APP: variants seen among roughly 807,000 people sequenced by gnomAD.
APP encodes the protein amyloid beta precursor protein, also known as amyloid-beta precursor protein.
APP carries 31 observed loss-of-function variants against 101.4 expected under a neutral mutation model. That is an observed-to-expected ratio of 0.31 (90% CI 0.23 to 0.41). The LOEUF is 0.41. Among genes scored for constraint, APP ranks in the 10% least tolerant of loss-of-function variants. The pLI, the probability that APP is intolerant of heterozygous loss-of-function variation, is 1.00. For synonymous variants in APP, 366 were observed against 364.4 expected, an observed-to-expected ratio of 1.00 and a Z score of -0.05; for missense variants, 839 against 1,003.7, an observed-to-expected ratio of 0.84 and a Z score of 2.22.
At position 26,136,169 on chromosome 21, in the gene APP, A is replaced by AAAAGAAAGAAAGAAAGAAAG. The variant is rs138676290; in HGVS notation, c.58-24043_58-24024dup. The stretch of plus-strand genomic sequence containing the variant: ...GAAAAGAAAAGAAAAGAAAAGAAAG[A>AAAAGAAAGAAAGAAAGAAAG]AAAGAAAGAAAGAAAGAAAGAAAGA... On this transcript the variant is annotated intron_variant, in intron 1 of 17. Coordinates refer to ENST00000346798, the MANE Select transcript of APP (RefSeq NM_000484.4). 5.0e-4 allele frequency among the ~76,000 whole-genome samples: 46 copies of AAAAGAAAGAAAGAAAGAAAG among 92,012 alleles called. 1 individual carries two copies. The highest frequency in any genetic ancestry group is 2.3e-3 in the African/African-American group (43 of 18,600). 60.4% of individuals were successfully genotyped at this position (92,012 alleles called of 152,430 possible).
intron 17 of APP, among the ~76,000 whole-genome samples, chr21:25,885,368 GCA>G (rs1286343807): frequency 6.6e-6 from 1 of 152,236 alleles, no homozygotes; most frequent in Non-Finnish European, 1.5e-5. Context: ...CAGGGCCTCT[GCA>G]CAGACACAAT....
intron 6 of APP, among the ~76,000 whole-genome samples, chr21:26,021,132 C>T (rs2044319409): frequency 1.3e-5 from 2 of 150,904 alleles, no homozygotes. Context: ...ACTGCAACCT[C>T]CGCCTCCTGG....
At chr21:26,092,190 T>TA (rs1011739548) in intron 2 of APP, among the ~76,000 whole-genome samples, 9 of 152,166 alleles carry the variant, frequency 5.9e-5, no homozygotes, top group African/African-American at 2.2e-4. Flanking sequence ...AATATTACAT[T>TA]AAAAATTCTT....
At chr21:26,017,648 GC>G (rs2044159171) in intron 6 of APP, among the ~76,000 whole-genome samples, 4 of 147,894 alleles carry the variant, frequency 2.7e-5, no homozygotes, top group Non-Finnish European at 6.0e-5. Context: ...TCTGGACAGG[GC>G]ACAATTGGCT....
intron 1 of APP, among the ~76,000 whole-genome samples, chr21:26,136,443 CTTT>C (rs2062920175): frequency 6.6e-6 from 1 of 152,004 alleles, no homozygotes; most frequent in African/African-American, 2.4e-5. Flanking sequence ...TATGTACAGG[CTTT>C]TTTAGGTCCT....
intron 1 of APP, among the ~76,000 whole-genome samples, chr21:26,149,677 C>T (rs575878935): frequency 2.6e-5 from 4 of 152,270 alleles, no homozygotes; most frequent in East Asian, 3.9e-4. Flanking sequence ...ATACTCTAAA[C>T]GCTCTTTTAA....
chr21:25,908,478 G>A (rs1002186159), intron 14 of APP, among the ~76,000 whole-genome samples: 3 of 152,202 alleles, frequency 2.0e-5, no homozygotes, highest in African/African-American at 7.2e-5. Context: ...GTAGTTGGGT[G>A]TATGTGTGTG....
At chr21:26,006,492 G>A (rs994603553) in intron 6 of APP, among the ~76,000 whole-genome samples, 2 of 152,102 alleles carry the variant, frequency 1.3e-5, no homozygotes, top group South Asian at 2.1e-4. Flanking sequence ...ATTTGTGCTC[G>A]TGTCAACGCT....
intron 5 of APP, among the ~76,000 whole-genome samples, chr21:26,046,337 G>A (rs940043882): frequency 6.6e-6 from 1 of 151,380 alleles, no homozygotes; most frequent in Non-Finnish European, 1.5e-5. Context: ...TTGAACCCAG[G>A]AGGCAGAGGT....
intron 3 of APP, among the ~76,000 whole-genome samples, chr21:26,075,426 T>A (rs2146051396): frequency 6.6e-6 from 1 of 152,334 alleles, no homozygotes; most frequent in East Asian, 1.9e-4. Flanking sequence ...TAATACTTTG[T>A]CCCAACCTAT....
rs73899737 is a variant in APP at position 25,984,982 on chromosome 21, A to T, written c.1091-2505T>A. Among the ~76,000 whole-genome samples the T allele has an allele frequency of 1.8e-3, 269 of 152,246 alleles. 1 individual carries two copies. Among genetic ancestry groups the T allele is most frequent in the African/African-American group, 6.2e-3 (257 of 41,542 alleles). The stretch of plus-strand genomic sequence containing the variant: ...ATAAAACTTACTATATAAGAAGGAA[A>T]TTTTTTCAGCTCCTATGGTTTGCGA... On this transcript the variant is annotated intron_variant, in intron 8 of 17. Transcript: ENST00000346798.
At position 26,032,315 on chromosome 21, in the gene APP, G is replaced by A. The variant is rs530019038; in HGVS notation, c.663-10273C>T. Among the ~76,000 whole-genome samples, 8 of 152,310 alleles carry A rather than the reference G, an allele frequency of 5.3e-5. 1 individual carries two copies. The South Asian group carries it at 1.7e-3, about 32-fold the overall frequency. ...ACAATGCCACAAATGCACAAGGGATGAGGCTATGAAATTTGTGAATTCTTT... is the reference window on the plus strand; with the variant it reads ...ACAATGCCACAAATGCACAAGGGATAAGGCTATGAAATTTGTGAATTCTTT... On this transcript the variant is annotated intron_variant, in intron 5 of 17. Coordinates refer to ENST00000346798, the MANE Select transcript of APP (RefSeq NM_000484.4).
intron 16 of APP, among the ~76,000 whole-genome samples, chr21:25,895,887 T>C (rs2038010692): frequency 6.6e-6 from 1 of 152,166 alleles, no homozygotes; most frequent in African/African-American, 2.4e-5. Flanking sequence ...AATTTTGTAA[T>C]ATTCATTGCA....
In APP at chr21:25,951,162, G is replaced by A. The variant is rs142651894; in HGVS notation, c.1687+3428C>T. Among the ~76,000 whole-genome samples, 280 of 152,268 alleles carry A rather than the reference G, an allele frequency of 1.8e-3. 4 individuals carry two copies. The highest frequency in any genetic ancestry group is 0.015 in the Admixed American group (229 of 15,296). The stretch of plus-strand genomic sequence containing the variant: ...ACAAGGCCAGGGCCAGAACTCACAA[G>A]CATGATGAACCCTATGCTCTGGTCA... On this transcript the variant is annotated intron_variant, in intron 13 of 17. Transcript: ENST00000346798.
Position 25,932,231 on chromosome 21 carries a change from G to A in APP, c.1688-20269C>T, listed in dbSNP as rs150130956. On this transcript the variant is annotated intron_variant, in intron 13 of 17. Transcript: ENST00000346798. ...AAATGCAACTTCATCTTTTCCTGCC[G>A]AGAACAAAGAAGAAAATAGTGTAGG... Among the ~76,000 whole-genome samples the A allele has an allele frequency of 1.2e-3, 180 of 152,172 alleles. 1 individual carries two copies. Among genetic ancestry groups the A allele is most frequent in the African/African-American group, 4.0e-3 (168 of 41,514 alleles).
intron 5 of APP, among the ~76,000 whole-genome samples, chr21:26,029,244 C>T (rs1008077963): frequency 2.0e-5 from 3 of 152,162 alleles, no homozygotes; most frequent in Admixed American, 2.0e-4. Flanking sequence ...GCAATGATGT[C>T]TCTGGCTGCT....
intron 4 of APP, among the ~76,000 whole-genome samples, chr21:26,052,253 G>A (rs1382732239): frequency 6.6e-6 from 1 of 152,120 alleles, no homozygotes; most frequent in Non-Finnish European, 1.5e-5. Context: ...GTGGCGGGTG[G>A]TTATCCTGTT....
At chr21:25,912,136 T>A (rs973904491) in intron 13 of APP, among the ~76,000 whole-genome samples, 174 bp from the exon 14 acceptor site, 1 of 152,166 alleles carries the variant, frequency 6.6e-6, no homozygotes, top group African/African-American at 2.4e-5. Flanking sequence ...ATGTGAAAAC[T>A]GAGGCACATG....
chr21:25,992,969 A>G (rs2146647852), intron 8 of APP, among the ~76,000 whole-genome samples: 3 of 152,368 alleles, frequency 2.0e-5, no homozygotes, highest in Middle Eastern at 3.4e-3. Context: ...TTGGCCAAAG[A>G]TTAAATGGCC....
Sources: gnomAD v4.1 joint callset for allele counts (sites outside exome capture counted in the v4.1 genomes callset) on GRCh38, gnomAD v4.1.1 for gene constraint, MANE v1.5 for transcripts, NCBI Gene and HGNC (gene_info 2026-07-23, HGNC 2026-07-21) for gene names.